The following LRRC8E variants were observed in gnomAD, a reference collection of about 807,000 sequenced individuals.
LRRC8E encodes leucine rich repeat containing 8 VRAC subunit E.
Under a neutral mutation model 6.1 loss-of-function variants are expected in LRRC8E, and 6 were observed. The ratio of observed to expected loss-of-function variants is 0.98; its 90% CI spans 0.54 to 1.93. LRRC8E has a LOEUF of 1.93. Ranked by LOEUF, LRRC8E falls within the 30% of genes most tolerant of loss-of-function variation. The pLI is 0.01. For synonymous variants in LRRC8E, 485 were observed against 472.8 expected (o/e 1.03, Z -0.33); for missense variants, 1,028 against 1,031.4 (o/e 1.00, Z 0.04).
rs1981915397 is a variant in LRRC8E, at chr19:7,900,293, G to A, written c.1771G>A (p.Ala591Thr). The A allele has an allele frequency of 1.2e-6, 2 of 1,613,280 alleles. No homozygotes were observed. The highest frequency in any genetic ancestry group is 1.3e-5 in the African/African-American group (1 of 74,926). The change falls in exon 3 of 3, where the codon GCC becomes ACC. Residue 591 changes from alanine (A) to threonine (T), a missense_variant. Ala to Thr is a moderately conservative substitution (Grantham distance 58). Transcript: ENST00000306708. The surrounding 1 kb of genome is among the most constrained non-coding windows in gnomAD (Gnocchi z 5.0). Reference sequence around the variant, plus strand: ...GGCATTGCGGGAGCTGGAGCTGGTGGCCTGCGGGCTGGAGCGCATCCCCCA... The same window carrying A: ...GGCATTGCGGGAGCTGGAGCTGGTGACCTGCGGGCTGGAGCGCATCCCCCA... ...LAALRELELVACGLERIPHAV... is the reference protein window; with the variant it reads ...LAALRELELVTCGLERIPHAV...
intron 2 of LRRC8E, among the ~76,000 whole-genome samples, chr19:7,896,619 G>T (rs1032476224): frequency 6.6e-6 from 1 of 150,514 alleles, no homozygotes; most frequent in East Asian, 2.0e-4. Context: ...AAAGAAACAC[G>T]GTCTCATTCT....
At position 7,900,994 on chromosome 19, in the gene LRRC8E, A is replaced by C; in HGVS notation, c.*81A>C. The C allele has an allele frequency of 1.2e-6, 1 of 834,196 alleles. No individual in the cohort carries two copies. Among genetic ancestry groups the C allele is most frequent in the Non-Finnish European group, 1.7e-6 (1 of 586,208 alleles). 51.7% of individuals were successfully genotyped at this position (834,196 alleles called of 1,614,324 possible). ...TCAACCATTGTCTTCCAAGATAGGAAGCCAAGTGGGTCCAGGCCAGGAGAT... is the reference window on the plus strand; with the variant it reads ...TCAACCATTGTCTTCCAAGATAGGACGCCAAGTGGGTCCAGGCCAGGAGAT... On this transcript the variant is annotated 3_prime_UTR_variant, in exon 3 of 3. Transcript: ENST00000306708. The surrounding 1 kb of genome is among the most constrained non-coding windows in gnomAD (Gnocchi z 5.0).
chr19:7,900,372 T>C lies in LRRC8E; in HGVS notation c.1850T>C (p.Leu617Pro). The C allele has an allele frequency of 6.2e-7, 1 of 1,612,998 alleles. No homozygotes were observed. Among genetic ancestry groups the C allele is most frequent in the Non-Finnish European group, 8.5e-7 (1 of 1,179,920 alleles). The change falls in exon 3 of 3, where the codon CTG becomes CCG. Residue 617 changes from leucine (L) to proline (P), a missense_variant. Physicochemically the swap from Leu to Pro is moderately conservative, Grantham distance 98. Transcript: ENST00000306708. This position sits in a 1 kb window ranked among gnomAD's most constrained non-coding sequence, Gnocchi z 5.0. The stretch of plus-strand genomic sequence containing the variant: ...GAACTTGACCTCAAGGACAACCACC[T>C]GCGCTCCATCGAGGAAATCCTCAGC... ...LQELDLKDNHLRSIEEILSFQ... is the reference protein window; with the variant it reads ...LQELDLKDNHPRSIEEILSFQ...
chr19:7,898,231 A>AAC (rs1981706806), intron 2 of LRRC8E, among the ~76,000 whole-genome samples: 1 of 150,964 alleles, frequency 6.6e-6, no homozygotes, highest in South Asian at 2.1e-4. Context: ...AAAAAAAAAA[A>AAC]CAGTGCTTAG....
Position 7,899,817 on chromosome 19 carries a change from C to G in LRRC8E, c.1295C>G (p.Thr432Ser), listed in dbSNP as rs1329265283. 1.0e-5 allele frequency: 16 copies of G among 1,607,262 alleles called. No homozygotes were observed. The highest frequency in any genetic ancestry group is 1.4e-5 in the Non-Finnish European group (16 of 1,179,958). The change falls in exon 3 of 3, where the codon ACC becomes AGC. Residue 432 changes from threonine (T) to serine (S), a missense_variant. Physicochemically the swap from Thr to Ser is moderately conservative, Grantham distance 58. Transcript: ENST00000306708. ...ALCMLPGLPD[T>S]VFELSEVESL... ...TGCATGCTGCCGGGTCTGCCCGACA[C>G]CGTCTTTGAGCTCAGTGAGGTGGAG...
intron 2 of LRRC8E, among the ~76,000 whole-genome samples, chr19:7,896,796 T>C (rs1981619855): frequency 6.6e-6 from 1 of 151,994 alleles, no homozygotes; most frequent in South Asian, 2.1e-4. Flanking sequence ...GGTCTTGCTA[T>C]GTTGCCCAGG....
rs1320760296 is a variant in LRRC8E, at chr19:7,895,922, T to C, written c.138+181T>C. On this transcript the variant is annotated intron_variant, in intron 2 of 2. Coordinates refer to ENST00000306708, the MANE Select transcript of LRRC8E (RefSeq NM_025061.6). This position sits in a 1 kb window ranked among gnomAD's most constrained non-coding sequence, Gnocchi z 4.7. ...AGCCAGGAGCACCGGAGTCCCCACATTGCTATGCCATTCCATATCTTTTTT... is the reference window on the plus strand; with the variant it reads ...AGCCAGGAGCACCGGAGTCCCCACACTGCTATGCCATTCCATATCTTTTTT... Among the ~76,000 whole-genome samples, 2 of 152,186 alleles carry C rather than the reference T, an allele frequency of 1.3e-5. No individual in the cohort carries two copies. The highest frequency in any genetic ancestry group is 4.8e-5 in the African/African-American group (2 of 41,446).
rs746469664 is a variant in LRRC8E at position 7,899,795 on chromosome 19, A to G, written c.1273A>G (p.Met425Val). 2.5e-6 allele frequency: 4 copies of G among 1,608,748 alleles called. No individual in the cohort carries two copies. Among genetic ancestry groups the G allele is most frequent in the East Asian group, 2.2e-5 (1 of 44,870 alleles). Reference sequence around the variant, plus strand: ...GGGCCGGCTGGAGCTGGCCCTCTGCATGCTGCCGGGTCTGCCCGACACCGT... The same window carrying G: ...GGGCCGGCTGGAGCTGGCCCTCTGCGTGCTGCCGGGTCTGCCCGACACCGT... ...AAGRLELALC[M>V]LPGLPDTVFE... Residue 425 changes from methionine to valine, a missense_variant, in exon 3 of 3, where the codon ATG (methionine) becomes GTG (valine). Transcript: ENST00000306708.
At position 7,899,314 on chromosome 19, in the gene LRRC8E, T is replaced by A; in HGVS notation, c.792T>A (p.Cys264Ter). 1 of 1,614,212 alleles carries A rather than the reference T, an allele frequency of 6.2e-7. No homozygotes were observed. The highest frequency in any genetic ancestry group is 2.2e-5 in the East Asian group (1 of 44,888). The change falls in exon 3 of 3, where the codon TGT (cysteine) becomes TGA (stop). Residue 264 changes from cysteine (C) to a stop codon, truncating the protein, a stop_gained. Transcript: ENST00000306708. LOFTEE classifies it low-confidence loss of function (END_TRUNC). ...TCCGACAGACGGTGCTGAAAGTGTG[T>A]AAGTTCCTGGCCATCCTGGTCTACA... Reference protein sequence around the residue: ...MYIRQTVLKVCKFLAILVYNL... With the variant: ...MYIRQTVLKV
rs778960682 is a variant in LRRC8E, at chr19:7,899,073, C to T, written c.551C>T (p.Ala184Val). Reference sequence around the variant, plus strand: ...GGCCCAGCAGCCACCGAACGGGCTGCGGCCACCATAGTGGCCATGGCAGGG... The same window carrying T: ...GGCCCAGCAGCCACCGAACGGGCTGTGGCCACCATAGTGGCCATGGCAGGG... ...QKGPAATERA[A>V]ATIVAMAGTG... Residue 184 changes from alanine to valine, a missense_variant, in exon 3 of 3, where the codon GCG becomes GTG. Coordinates refer to ENST00000306708, the MANE Select transcript of LRRC8E (RefSeq NM_025061.6). 13 of 1,612,496 alleles carry T rather than the reference C, an allele frequency of 8.1e-6. No homozygotes were observed. The South Asian group carries it at 8.8e-5, about 11-fold the overall frequency.
chr19:7,900,699 C>T lies in LRRC8E; in HGVS notation c.2177C>T (p.Thr726Met), dbSNP rs747868141. 1.1e-5 allele frequency: 18 copies of T among 1,613,288 alleles called. No homozygotes were observed. In the East Asian group the frequency reaches 2.2e-4, roughly 20 times the overall value. ...EELFFCRKLRTLLLGDNQLSQ... is the reference protein window; with the variant it reads ...EELFFCRKLRMLLLGDNQLSQ... ...CTCTTCTTCTGCCGCAAGCTGCGGACGTTGCTTCTGGGCGACAACCAGCTG... is the reference window on the plus strand; with the variant it reads ...CTCTTCTTCTGCCGCAAGCTGCGGATGTTGCTTCTGGGCGACAACCAGCTG... The change falls in exon 3 of 3, where the codon ACG becomes ATG. Residue 726 changes from threonine (T) to methionine (M), a missense_variant. By Grantham distance (81) the Thr-to-Met change is moderately conservative. Coordinates refer to ENST00000306708, the MANE Select transcript of LRRC8E (RefSeq NM_025061.6). The surrounding 1 kb of genome is among the most constrained non-coding windows in gnomAD (Gnocchi z 5.0).
Position 7,900,527 on chromosome 19 carries a change from C to T in LRRC8E, c.2005C>T (p.Pro669Ser). The change falls in exon 3 of 3, where the codon CCC becomes TCC. Residue 669 changes from proline to serine, a missense_variant. Physicochemically the swap from Pro to Ser is moderately conservative, Grantham distance 74. Transcript: ENST00000306708. The surrounding 1 kb of genome is among the most constrained non-coding windows in gnomAD (Gnocchi z 5.0). The stretch of plus-strand genomic sequence containing the variant: ...CAGCTACAACAAGCTGGAGACCCTG[C>T]CCTCCCAGCTCGGCCTGTGCTCAGG... ...YLSYNKLETL[P>S]SQLGLCSGLR... 1 of 1,613,056 alleles carries T rather than the reference C, an allele frequency of 6.2e-7. No homozygotes were observed. Among genetic ancestry groups the T allele is most frequent in the Non-Finnish European group, 8.5e-7 (1 of 1,180,032 alleles).
chr19:7,891,731 T>C (rs1447539401), intron 1 of LRRC8E, among the ~76,000 whole-genome samples: 1 of 151,718 alleles, frequency 6.6e-6, no homozygotes. Flanking sequence ...CTCACTCTCC[T>C]GAGTAGCTGG....
chr19:7,899,061 C>T lies in LRRC8E; in HGVS notation c.539C>T (p.Thr180Ile). Residue 180 changes from threonine (T) to isoleucine (I), a missense_variant, in exon 3 of 3, where the codon ACC becomes ATC. Transcript: ENST00000306708. The stretch of plus-strand genomic sequence containing the variant: ...GAGAACCAGAAGGGCCCAGCAGCCA[C>T]CGAACGGGCTGCGGCCACCATAGTG... ...SGENQKGPAA[T>I]ERAAATIVAM... 6.2e-7 allele frequency: 1 copy of T among 1,613,060 alleles called. No individual in the cohort carries two copies. The highest frequency in any genetic ancestry group is 1.1e-5 in the South Asian group (1 of 91,080).
At position 7,895,589 on chromosome 19, in the gene LRRC8E, C is replaced by T. The variant is rs369740345; in HGVS notation, c.-5-10C>T. On this transcript the variant is annotated splice_polypyrimidine_tract_variant and intron_variant, in intron 1 of 2. Coordinates refer to ENST00000306708, the MANE Select transcript of LRRC8E (RefSeq NM_025061.6). This position sits in a 1 kb window ranked among gnomAD's most constrained non-coding sequence, Gnocchi z 4.7. ...TCTCTCTACACCCCCCGTCTCGTCC[C>T]GTCCCACAGGCAGCATGATCCCAGT... 59 of 1,609,826 alleles carry T rather than the reference C, an allele frequency of 3.7e-5. No individual in the cohort carries two copies. The highest frequency in any genetic ancestry group is 5.0e-5 in the Admixed American group (3 of 59,928).
chr19:7,891,900 G>A (rs373229107), intron 1 of LRRC8E, among the ~76,000 whole-genome samples: 7 of 151,632 alleles, frequency 4.6e-5, no homozygotes, highest in East Asian at 1.9e-4. Context: ...GAGAGCCACC[G>A]CGCCCGGCCC....
At position 7,900,033 on chromosome 19, in the gene LRRC8E, T is replaced by C. The variant is rs371065249; in HGVS notation, c.1511T>C (p.Phe504Ser). The stretch of plus-strand genomic sequence containing the variant: ...CTCCGCGAGGTGCCGCTTTGGGTGT[T>C]TGGGCTGCGGGGCTTGGAGGAGCTG... ...EELREVPLWV[F>S]GLRGLEELHL... is the part of the protein sequence containing the mutation. Residue 504 changes from phenylalanine to serine, a missense_variant, in exon 3 of 3, where the codon TTT (phenylalanine) becomes TCT (serine). By Grantham distance (155) the Phe-to-Ser change is radical (BLOSUM62 -2). Coordinates refer to ENST00000306708, the MANE Select transcript of LRRC8E (RefSeq NM_025061.6). This position sits in a 1 kb window ranked among gnomAD's most constrained non-coding sequence, Gnocchi z 5.0. The C allele has an allele frequency of 1.1e-5, 17 of 1,610,796 alleles. No homozygotes were observed. Among genetic ancestry groups the C allele is most frequent in the Non-Finnish European group, 1.4e-5 (16 of 1,179,468 alleles).
rs1208213964 is a variant in LRRC8E, at chr19:7,900,749, G to A, written c.2227G>A (p.Ala743Thr). The A allele has an allele frequency of 6.2e-7, 1 of 1,611,522 alleles. No homozygotes were observed. Among genetic ancestry groups the A allele is most frequent in the African/African-American group, 1.3e-5 (1 of 74,898 alleles). Residue 743 changes from alanine (A) to threonine (T), a missense_variant, in exon 3 of 3, where the codon GCC (alanine) becomes ACC (threonine). By Grantham distance (58) the Ala-to-Thr change is moderately conservative (BLOSUM62 0). Transcript: ENST00000306708. This position sits in a 1 kb window ranked among gnomAD's most constrained non-coding sequence, Gnocchi z 5.0. Reference protein sequence around the residue: ...QLSQLSPHVGALRALSRLELK... With the variant: ...QLSQLSPHVGTLRALSRLELK... ...GAGCCAGCTCTCGCCCCACGTGGGT[G>A]CCCTCAGAGCCCTCAGCCGCCTGGA...
chr19:7,893,257 C>T (rs1456481202), intron 1 of LRRC8E, among the ~76,000 whole-genome samples: 5 of 151,920 alleles, frequency 3.3e-5, no homozygotes, highest in Admixed American at 2.0e-4. Context: ...TTGCCTGCCT[C>T]GGCCTCCCAA....
Sources: allele counts gnomAD v4.1 joint callset (sites outside exome capture counted in the v4.1 genomes callset), GRCh38; gene constraint gnomAD v4.1.1; non-coding constraint Gnocchi (gnomAD v3.1); transcripts MANE v1.5; gene names NCBI Gene and HGNC (gene_info 2026-07-23, HGNC 2026-07-21).